Variants in CRACR2A observed in about 807,000 individuals in gnomAD.
CRACR2A encodes the protein calcium release activated channel regulator 2A, also known as EF-hand calcium-binding domain-containing protein 4B.
CRACR2A carries 79 observed loss-of-function variants against 90.5 expected under a neutral mutation model. The ratio of observed to expected loss-of-function variants is 0.87; its 90% confidence interval spans 0.73 to 1.05. CRACR2A has a LOEUF of 1.05. CRACR2A is among the 50% of genes least tolerant of loss of function. The pLI, the probability that CRACR2A is intolerant of heterozygous loss-of-function variation, is 0.00. For missense variants in CRACR2A, 823 were observed against 897.2 expected (o/e 0.92, Z 1.06); for synonymous variants, 338 against 356.7 (o/e 0.95, Z 0.59).
intron 7 of CRACR2A, chr12:3,672,724 T>C: frequency 1.0e-6 from 1 of 985,184 alleles, no homozygotes; most frequent in Non-Finnish European, 1.2e-6. Context: ...AGTTTTGTGA[T>C]ATACCTGCCT....
chr12:3,648,412 G>A (rs1944730321), intron 11 of CRACR2A, 130 bp downstream of exon 11: 4 of 1,577,402 alleles, frequency 2.5e-6, no homozygotes, highest in East Asian at 2.3e-5. Context: ...TGGGGACCAA[G>A]GGAATTGAGG....
intron 7 of CRACR2A, among the ~76,000 whole-genome samples, chr12:3,661,612 G>T (rs1945039542): frequency 6.6e-6 from 1 of 152,158 alleles, no homozygotes; most frequent in African/African-American, 2.4e-5. Context: ...TAAGGAAAAA[G>T]GCTCATGCTA....
At chr12:3,644,783 A>G in intron 11 of CRACR2A, 143 bp from the exon 12 acceptor site, 1 of 745,856 alleles carries the variant, frequency 1.3e-6, no homozygotes, top group South Asian at 1.5e-5. Flanking sequence ...TTCCATAGGG[A>G]TGTGATTAAT....
chr12:3,644,755 G>T, intron 11 of CRACR2A, 115 bp from the exon 12 acceptor site: 1 of 886,694 alleles, frequency 1.1e-6, no homozygotes, highest in South Asian at 1.4e-5. Context: ...GGAAGACAGG[G>T]GAGTCTGTGG....
intron 6 of CRACR2A, among the ~76,000 whole-genome samples, chr12:3,674,580 T>G (rs1489230541): frequency 6.6e-6 from 1 of 152,274 alleles, no homozygotes; most frequent in Non-Finnish European, 1.5e-5. Context: ...TAGAGTGTTA[T>G]AGCATCAAGT....
At chr12:3,651,083 A>G (rs1467344162) in intron 10 of CRACR2A, among the ~76,000 whole-genome samples, 1 of 152,222 alleles carries the variant, frequency 6.6e-6, no homozygotes, top group Non-Finnish European at 1.5e-5. Flanking sequence ...AAAGGGAAAG[A>G]ACCTGCGTTT....
intron 6 of CRACR2A, among the ~76,000 whole-genome samples, chr12:3,678,647 T>G (rs1447363827): frequency 6.9e-6 from 1 of 145,294 alleles, no homozygotes; most frequent in African/African-American, 2.6e-5. Context: ...TGGCCAGGAG[T>G]GAGGAAGGTA....
intron 17 of CRACR2A, among the ~76,000 whole-genome samples, chr12:3,621,436 G>A (rs1156802998): frequency 6.8e-6 from 1 of 147,564 alleles, no homozygotes; most frequent in Non-Finnish European, 1.5e-5. Context: ...GGTGGATCAT[G>A]AGGTCAGGAG....
At chr12:3,652,805 A>G (rs4766158) in intron 10 of CRACR2A, among the ~76,000 whole-genome samples, 49,326 of 151,814 alleles carry the variant, frequency 0.32, 9,110 homozygotes, top group Admixed American at 0.46. Context: ...AAGAGTGCAT[A>G]AACGAATGCG....
At chr12:3,635,177 G>A (rs1944435311) in intron 14 of CRACR2A, among the ~76,000 whole-genome samples, 1 of 152,172 alleles carries the variant, frequency 6.6e-6, no homozygotes, top group South Asian at 2.1e-4. Context: ...CAATGGCTCA[G>A]TGTCAGGCAG....
intron 3 of CRACR2A, among the ~76,000 whole-genome samples, chr12:3,703,279 G>A (rs993359692): frequency 6.6e-6 from 1 of 152,040 alleles, no homozygotes; most frequent in South Asian, 2.1e-4. Flanking sequence ...TAGTAGAGAT[G>A]GGGTTTCACC....
intron 2 of CRACR2A, chr12:3,729,308 T>A (rs1185562153): frequency 2.0e-5 from 3 of 152,208 alleles, no homozygotes; most frequent in Non-Finnish European, 2.9e-5. Flanking sequence ...ATCTGGCCCA[T>A]TTTCAGAGCT....
In CRACR2A at chr12:3,673,500, G is replaced by C. The variant is rs1488235713; in HGVS notation, c.617C>G (p.Ser206Cys). Residue 206 changes from serine (S) to cysteine (C), a missense_variant, in exon 7 of 20, where the codon TCC (serine) becomes TGC (cysteine). Ser to Cys is a moderately radical substitution (Grantham distance 112). Transcript: ENST00000440314. The stretch of plus-strand genomic sequence containing the variant: ...CTCCTCATGGGCTTCTTGGAGCTGG[G>C]AGATGATTCTGGTCAGGAAGTCTTC... The part of the protein sequence containing the change: ...NFEDFLTRII[S>C]QLQEAHEEKN... 6.2e-7 allele frequency: 1 copy of C among 1,614,070 alleles called. No homozygotes were observed. Among genetic ancestry groups the C allele is most frequent in the South Asian group, 1.1e-5 (1 of 91,088 alleles).
At chr12:3,678,538 G>A (rs1161891255) in intron 6 of CRACR2A, among the ~76,000 whole-genome samples, 2 of 152,100 alleles carry the variant, frequency 1.3e-5, no homozygotes, top group East Asian at 3.9e-4. Context: ...GAAGCCTTAG[G>A]GAGAACTCCA....
intron 5 of CRACR2A, among the ~76,000 whole-genome samples, chr12:3,679,549 T>C (rs941701711): frequency 1.3e-5 from 2 of 152,174 alleles, no homozygotes; most frequent in Non-Finnish European, 2.9e-5. Flanking sequence ...GTGTACTTCC[T>C]CCATACTCAT....
intron 6 of CRACR2A, among the ~76,000 whole-genome samples, chr12:3,674,530 A>G (rs1359651361): frequency 6.6e-6 from 1 of 152,218 alleles, no homozygotes; most frequent in Non-Finnish European, 1.5e-5. Context: ...ATAGGTTTTA[A>G]TTCAATAAAA....
At chr12:3,675,389 C>T (rs558592437) in intron 6 of CRACR2A, among the ~76,000 whole-genome samples, 1 of 152,166 alleles carries the variant, frequency 6.6e-6, no homozygotes, top group Admixed American at 6.5e-5. Flanking sequence ...CCTACAAATT[C>T]ATATGTTTAA....
At chr12:3,677,286 G>C (rs763462059) in intron 6 of CRACR2A, among the ~76,000 whole-genome samples, 8 of 152,214 alleles carry the variant, frequency 5.3e-5, no homozygotes, top group Admixed American at 2.0e-4. Context: ...TCACAGCCGT[G>C]AATGTTTCCC....
chr12:3,708,663 G>A (rs977600909), intron 3 of CRACR2A, among the ~76,000 whole-genome samples: 22 of 152,168 alleles, frequency 1.4e-4, no homozygotes, highest in Non-Finnish European at 2.6e-4. Context: ...CTGACCTCGT[G>A]ATCCGCCGGC....
Sources: gnomAD v4.1 joint callset for allele counts (sites outside exome capture counted in the v4.1 genomes callset) on GRCh38, gnomAD v4.1.1 for gene constraint, MANE v1.5 for transcripts, NCBI Gene and HGNC (gene_info 2026-07-23, HGNC 2026-07-21) for gene names.